The following GATAD2B variants were observed in gnomAD, a reference collection of about 807,000 sequenced individuals.
The protein encoded by GATAD2B is GATA zinc finger domain containing 2B.
GATAD2B carries 8 observed loss-of-function variants against 64.3 expected under a neutral mutation model. The observed-to-expected ratio is 0.12, with a 90% CI of 0.07 to 0.22. The LOEUF is 0.22. Among genes scored for constraint, GATAD2B ranks in the 10% least tolerant of loss-of-function variants. GATAD2B has a pLI of 1.00. For synonymous variants in GATAD2B, 281 were observed against 271.3 expected, an observed-to-expected ratio of 1.04 and a Z score of -0.35; for missense variants, 453 against 752.0, an observed-to-expected ratio of 0.60 and a Z score of 4.65.
At chr1:153,835,724 A>G (rs1675238218) in intron 1 of GATAD2B, among the ~76,000 whole-genome samples, 1 of 152,114 alleles carries the variant, frequency 6.6e-6, no homozygotes, top group African/African-American at 2.4e-5. Flanking sequence ...TTATTTTATT[A>G]TTATTATTAT....
At chr1:153,866,811 C>T (rs183986406) in intron 1 of GATAD2B, among the ~76,000 whole-genome samples, 2 of 152,176 alleles carry the variant, frequency 1.3e-5, no homozygotes, top group Non-Finnish European at 2.9e-5. Flanking sequence ...GAGACGGAGT[C>T]TTGCTCTGTC....
At chr1:153,850,750 G>T (rs918796474) in intron 1 of GATAD2B, among the ~76,000 whole-genome samples, 1 of 151,836 alleles carries the variant, frequency 6.6e-6, no homozygotes, top group Admixed American at 6.6e-5. Flanking sequence ...GTGAAACTTC[G>T]TCTCTACTAA....
Position 153,804,965 on chromosome 1 carries a change from A to G in GATAD2B, c.*5212T>C, listed in dbSNP as rs1674066574. 2 of 152,224 alleles carry G rather than the reference A, an allele frequency of 1.3e-5. No individual in the cohort carries two copies. The highest frequency in any genetic ancestry group is 4.1e-4 in the South Asian group (2 of 4,830). The allele number at this position is 152,224 out of a possible 1,614,324, so 9.4% of individuals were successfully genotyped here. On this transcript the variant is annotated 3_prime_UTR_variant, in exon 11 of 11. Transcript: ENST00000368655. ...ACAATGCAGAAAATCAGAATGAGTT[A>G]AAAAAGAAATAAAGGAAACTTAAAG... is the stretch of plus-strand genomic sequence containing the variant.
intron 2 of GATAD2B, among the ~76,000 whole-genome samples, chr1:153,820,586 G>A (rs1674642368): frequency 6.6e-6 from 1 of 152,028 alleles, no homozygotes; most frequent in Admixed American, 6.6e-5. Flanking sequence ...GAGATTGTCA[G>A]CGTAGTTGGT....
At chr1:153,903,121 G>A (rs1677828715) in intron 1 of GATAD2B, among the ~76,000 whole-genome samples, 1 of 152,044 alleles carries the variant, frequency 6.6e-6, no homozygotes, top group Admixed American at 6.6e-5. Flanking sequence ...GGGAGGCTGA[G>A]GCAGGAGAAT....
intron 1 of GATAD2B, among the ~76,000 whole-genome samples, chr1:153,878,316 A>C (rs532744257): frequency 6.6e-6 from 1 of 151,966 alleles, no homozygotes; most frequent in Non-Finnish European, 1.5e-5. Flanking sequence ...TTTTGTAAAG[A>C]TGGAATCTCC....
At chr1:153,815,705 A>G (rs1674456232) in intron 7 of GATAD2B, among the ~76,000 whole-genome samples, 1 of 151,904 alleles carries the variant, frequency 6.6e-6, no homozygotes, top group Non-Finnish European at 1.5e-5. Flanking sequence ...AATAGAATAG[A>G]TAGATTAGAT....
intron 1 of GATAD2B, chr1:153,914,758 A>AC (rs1167822283): frequency 1.3e-5 from 2 of 152,302 alleles, no homozygotes; most frequent in East Asian, 1.9e-4. Context: ...ACACAGGGAG[A>AC]CCCCATCTCT....
At chr1:153,843,632 G>GT (rs1278539656) in intron 1 of GATAD2B, among the ~76,000 whole-genome samples, 2 of 151,852 alleles carry the variant, frequency 1.3e-5, no homozygotes, top group African/African-American at 2.4e-5. Flanking sequence ...TACTTCATTT[G>GT]TTTTAACTGC....
intron 1 of GATAD2B, among the ~76,000 whole-genome samples, chr1:153,886,244 C>T (rs7537691): frequency 0.29 from 44,373 of 152,048 alleles, 6,699 homozygotes; most frequent in Admixed American, 0.39. Context: ...GTGATTTCAC[C>T]GTTGTGTGAA....
At chr1:153,867,241 CT>C (rs1198638106) in intron 1 of GATAD2B, among the ~76,000 whole-genome samples, 1 of 152,198 alleles carries the variant, frequency 6.6e-6, no homozygotes, top group East Asian at 1.9e-4. Flanking sequence ...AGAAACCACA[CT>C]GATCTCCTTA....
chr1:153,850,782 G>A (rs1157325665), intron 1 of GATAD2B, among the ~76,000 whole-genome samples: 4 of 151,928 alleles, frequency 2.6e-5, no homozygotes, highest in African/African-American at 7.3e-5. Flanking sequence ...TTAGCCAGGC[G>A]TGGTGGTGTG....
intron 1 of GATAD2B, among the ~76,000 whole-genome samples, chr1:153,916,144 A>C (rs1369346929): frequency 6.6e-6 from 1 of 151,960 alleles, no homozygotes; most frequent in Non-Finnish European, 1.5e-5. Flanking sequence ...ATCTGGGTGT[A>C]GTGGCAGACA....
At chr1:153,855,987 C>T (rs549512950) in intron 1 of GATAD2B, among the ~76,000 whole-genome samples, 5 of 152,240 alleles carry the variant, frequency 3.3e-5, no homozygotes, top group Non-Finnish European at 5.9e-5. Flanking sequence ...CCAGTCAGCT[C>T]CTACATTTCT....
At position 153,816,358 on chromosome 1, in the gene GATAD2B, A is replaced by C; in HGVS notation, c.1131T>G (p.Leu377=). 6.2e-7 allele frequency: 1 copy of C among 1,613,836 alleles called. No individual in the cohort carries two copies. The highest frequency in any genetic ancestry group is 1.1e-5 in the South Asian group (1 of 91,082). Residue 377 remains leucine, a synonymous_variant, in exon 7 of 11, where the codon CTT becomes CTG. Transcript: ENST00000368655. This position sits in a 1 kb window ranked among gnomAD's most constrained non-coding sequence, Gnocchi z 4.9. ...IPPPKPPAPL[L]HFLPSAANSE... is the part of the protein sequence containing the mutation. ...TATTGGCTGCACTAGGCAAGAAATGAAGTAAGGGAGCAGGAGGTTTAGGGG... is the reference window on the plus strand; with the variant it reads ...TATTGGCTGCACTAGGCAAGAAATGCAGTAAGGGAGCAGGAGGTTTAGGGG...
intron 2 of GATAD2B, among the ~76,000 whole-genome samples, chr1:153,820,906 TA>T (rs2101884478): frequency 6.6e-6 from 1 of 151,416 alleles, no homozygotes; most frequent in South Asian, 2.1e-4. Flanking sequence ...CTTAAACCCT[TA>T]ATGATCACAG....
chr1:153,853,365 C>T, intron 1 of GATAD2B: 1 of 689,300 alleles, frequency 1.5e-6, no homozygotes. Flanking sequence ...GCAGGTTGAC[C>T]ACCCGAGTCA....
chr1:153,859,907 C>CTTTTTTTTTTTTTT, intron 1 of GATAD2B, among the ~76,000 whole-genome samples: 1 of 60,878 alleles, frequency 1.6e-5, no homozygotes, highest in Non-Finnish European at 2.8e-5. Context: ...CTTTTCTTTT[C>CTTTTTTTTTTTTTT]TTTTTTTTTT....
chr1:153,910,857 G>A (rs13374170), intron 1 of GATAD2B, among the ~76,000 whole-genome samples: 3,062 of 152,286 alleles, frequency 0.02, 110 homozygotes, highest in African/African-American at 0.07. Context: ...GCTAGGCTAA[G>A]CTATGACGTT....
Sources: gnomAD v4.1 joint callset for allele counts (sites outside exome capture counted in the v4.1 genomes callset) on GRCh38, gnomAD v4.1.1 for gene constraint, Gnocchi (gnomAD v3.1) non-coding constraint, MANE v1.5 for transcripts, NCBI Gene and HGNC (gene_info 2026-07-23, HGNC 2026-07-21) for gene names.